RIMS2: variants seen among roughly 807,000 people sequenced by gnomAD.
RIMS2 encodes regulating synaptic membrane exocytosis 2.
RIMS2 carries 59 observed loss-of-function variants against 174.4 expected under a neutral mutation model. That is an observed-to-expected ratio of 0.34 (90% confidence interval 0.27 to 0.42). The LOEUF (loss-of-function observed/expected upper bound fraction) is 0.42, where lower values mean the gene tolerates loss of function less well. Among genes scored for constraint, RIMS2 ranks in the 10% least tolerant of loss-of-function variants. The probability of loss-of-function intolerance (pLI) is 1.00; values close to 1 mark genes in which losing one functional copy is unlikely to be tolerated. For missense variants in RIMS2, 1,620 were observed against 1,666.3 expected (o/e 0.97, Z 0.48); for synonymous variants, 606 against 572.5 (o/e 1.06, Z -0.84).
chr8:103,661,953 T>A (rs1473892259), intron 1 of RIMS2, among the ~76,000 whole-genome samples: 4 of 152,208 alleles, frequency 2.6e-5, no homozygotes, highest in African/African-American at 9.6e-5. Context: ...TTTCTGAAGA[T>A]TGAGAAAGAT....
intron 1 of RIMS2, among the ~76,000 whole-genome samples, chr8:103,563,364 C>T (rs1315557525): frequency 6.6e-6 from 1 of 152,214 alleles, no homozygotes; most frequent in Non-Finnish European, 1.5e-5. Context: ...AATCATCTCT[C>T]TCAAGTTCAA....
At chr8:103,983,176 T>C (rs951688569) in intron 16 of RIMS2, among the ~76,000 whole-genome samples, 2 of 152,112 alleles carry the variant, frequency 1.3e-5, no homozygotes, top group African/African-American at 4.8e-5. Flanking sequence ...TACCTAGAAA[T>C]TGACTTAACC....
intron 2 of RIMS2, among the ~76,000 whole-genome samples, chr8:103,763,424 A>T (rs566932359): frequency 6.7e-6 from 1 of 148,430 alleles, no homozygotes; most frequent in African/African-American, 2.5e-5. Flanking sequence ...TGACAAGGTA[A>T]GACCCTGTTT....
At chr8:103,807,891 A>G (rs2098660657) in intron 3 of RIMS2, among the ~76,000 whole-genome samples, 1 of 152,116 alleles carries the variant, frequency 6.6e-6, no homozygotes, top group South Asian at 2.1e-4. Flanking sequence ...GACAAATTAT[A>G]TTTTTTAAGT....
intron 3 of RIMS2, among the ~76,000 whole-genome samples, chr8:103,782,936 A>G (rs576937624): frequency 6.6e-6 from 1 of 152,332 alleles, no homozygotes; most frequent in Non-Finnish European, 1.5e-5. Context: ...ATAATGAATG[A>G]CCACAAACTT....
At chr8:103,643,277 C>T (rs1177059991) in intron 1 of RIMS2, among the ~76,000 whole-genome samples, 3 of 151,730 alleles carry the variant, frequency 2.0e-5, no homozygotes, top group African/African-American at 7.3e-5. Flanking sequence ...CGTAGAGTTT[C>T]CCTCTCTTTG....
intron 3 of RIMS2, among the ~76,000 whole-genome samples, chr8:103,791,882 A>G (rs911801833): frequency 1.3e-5 from 2 of 152,186 alleles, no homozygotes; most frequent in Non-Finnish European, 2.9e-5. Flanking sequence ...TATCCTAAAT[A>G]TATATATACT....
At chr8:103,630,494 C>T (rs2095885513) in intron 1 of RIMS2, among the ~76,000 whole-genome samples, 1 of 147,692 alleles carries the variant, frequency 6.8e-6, no homozygotes. Context: ...ATAGGAGAAT[C>T]ACTAGAACCA....
intron 19 of RIMS2, among the ~76,000 whole-genome samples, chr8:104,105,580 A>T (rs1477790691): frequency 3.3e-5 from 5 of 152,034 alleles, no homozygotes; most frequent in Admixed American, 6.5e-5. Flanking sequence ...TAAAAAAAAA[A>T]GTTTTAGGAC....
At chr8:104,005,168 T>TA (rs1022297055) in intron 17 of RIMS2, among the ~76,000 whole-genome samples, 7 of 152,204 alleles carry the variant, frequency 4.6e-5, no homozygotes, top group African/African-American at 1.7e-4. Context: ...AGCACTACCA[T>TA]AGTCAATCCC....
chr8:103,634,921 G>T (rs1204283532), intron 1 of RIMS2, among the ~76,000 whole-genome samples: 1 of 151,980 alleles, frequency 6.6e-6, no homozygotes, highest in Non-Finnish European at 1.5e-5. Context: ...GTCATTATGT[G>T]TGAGATGGGC....
intron 10 of RIMS2, among the ~76,000 whole-genome samples, chr8:103,925,534 G>C (rs2078607826): frequency 6.6e-6 from 1 of 151,512 alleles, no homozygotes; most frequent in Non-Finnish European, 1.5e-5. Context: ...GCAATTAATA[G>C]TGGAAAGTGA....
chr8:104,123,243 A>C, intron 19 of RIMS2, among the ~76,000 whole-genome samples: 1 of 152,092 alleles, frequency 6.6e-6, no homozygotes, highest in East Asian at 1.9e-4. Flanking sequence ...TATTTTATTT[A>C]ATGTATATGT....
intron 4 of RIMS2, among the ~76,000 whole-genome samples, chr8:103,896,309 T>C (rs78963945): frequency 0.012 from 1,801 of 151,740 alleles, 98 homozygotes; most frequent in African/African-American, 0.042. Context: ...CTGCTGGTTT[T>C]CCCAGCCATC....
rs548810916 is a variant in RIMS2 at position 103,735,077 on chromosome 8, C to T, written c.388-31150C>T. Among the ~76,000 whole-genome samples, 6 of 152,302 alleles carry T rather than the reference C, an allele frequency of 3.9e-5. No homozygotes were observed. The East Asian group carries it at 9.6e-4, about 24-fold the overall frequency. On this transcript the variant is annotated intron_variant, in intron 2 of 23. Coordinates refer to ENST00000504942, the Ensembl canonical transcript of RIMS2. ...ACCAACCCACACTCAGTCTTTCCAA[C>T]ATTTGTTAAAAGTTCAGCCTATTTC...
chr8:103,689,569 A>T (rs769023324), intron 1 of RIMS2, among the ~76,000 whole-genome samples: 1 of 152,084 alleles, frequency 6.6e-6, no homozygotes, highest in Admixed American at 6.6e-5. Flanking sequence ...TATAATTGTT[A>T]TATACTTTTG....
chr8:103,841,015 A>G (rs994402920), intron 3 of RIMS2, among the ~76,000 whole-genome samples: 2 of 152,312 alleles, frequency 1.3e-5, no homozygotes, highest in East Asian at 3.9e-4. Context: ...TGCTAGGTGT[A>G]GTTTATAGAG....
intron 17 of RIMS2, among the ~76,000 whole-genome samples, chr8:104,004,622 A>G (rs1299648696): frequency 6.6e-6 from 1 of 152,184 alleles, no homozygotes; most frequent in African/African-American, 2.4e-5. Flanking sequence ...ATATCAAAAG[A>G]TATTTCTTTC....
chr8:103,865,317 C>G (rs977428139), intron 3 of RIMS2, among the ~76,000 whole-genome samples: 1 of 122,618 alleles, frequency 8.2e-6, no homozygotes, highest in Non-Finnish European at 1.6e-5. Context: ...TGGAGACTTG[C>G]TCTGTCTCCC....
Sources: gnomAD v4.1 joint callset for allele counts (sites outside exome capture counted in the v4.1 genomes callset) on GRCh38, gnomAD v4.1.1 for gene constraint, MANE v1.5 for transcripts, NCBI Gene and HGNC (gene_info 2026-07-23, HGNC 2026-07-21) for gene names.